Variants in USP34 observed in about 807,000 individuals in gnomAD.
USP34 encodes ubiquitin carboxyl-terminal hydrolase 34.
USP34 carries 70 observed loss-of-function variants against 460.3 expected under a neutral mutation model. The ratio of observed to expected loss-of-function variants is 0.15; its 90% CI spans 0.13 to 0.19. USP34 has a LOEUF of 0.19. Ranked by LOEUF, USP34 falls within the 10% of genes least tolerant of loss-of-function variation. The pLI is 1.00. For synonymous variants in USP34, 1,647 were observed against 1,405.3 expected (o/e 1.17, Z -3.85); for missense variants, 3,985 against 4,236.2 (o/e 0.94, Z 1.65).
At chr2:61,204,421 A>G in intron 73 of USP34, 41 bp from the exon 74 acceptor site, 2 of 1,613,546 alleles carry the variant, frequency 1.2e-6, no homozygotes, top group Non-Finnish European at 1.7e-6. Flanking sequence ...AATGGAAAAA[A>G]TAAATCTCCA....
chr2:61,202,337 TC>T (rs1324110223), intron 75 of USP34, among the ~76,000 whole-genome samples: 1 of 152,134 alleles, frequency 6.6e-6, no homozygotes, highest in Non-Finnish European at 1.5e-5. Flanking sequence ...GTATTTCACG[TC>T]CCACTCTGAA....
intron 53 of USP34, among the ~76,000 whole-genome samples, chr2:61,240,047 CA>C (rs200971156): frequency 2.1e-5 from 3 of 144,316 alleles, no homozygotes; most frequent in African/African-American, 2.5e-5. Flanking sequence ...CCCAATATTA[CA>C]AAAAAAAAAT....
chr2:61,456,467 C>T (rs1000652454), intron 1 of USP34, among the ~76,000 whole-genome samples: 10 of 152,150 alleles, frequency 6.6e-5, no homozygotes, highest in South Asian at 2.1e-4. Context: ...TCTTTTTCTC[C>T]GCATAGTTTA....
At chr2:61,376,081 A>G (rs1027862925) in intron 8 of USP34, among the ~76,000 whole-genome samples, 1 of 151,840 alleles carries the variant, frequency 6.6e-6, no homozygotes, top group Admixed American at 6.6e-5. Context: ...CAAATGGGCA[A>G]AAGACATCTT....
At chr2:61,205,007 A>AC (rs1687077015) in intron 72 of USP34, among the ~76,000 whole-genome samples, 3 of 151,990 alleles carry the variant, frequency 2.0e-5, no homozygotes, top group African/African-American at 7.2e-5. Flanking sequence ...GGCATGCACC[A>AC]CCACACCCAG....
At chr2:61,286,612 G>A (rs1416049558) in intron 34 of USP34, among the ~76,000 whole-genome samples, 1 of 152,026 alleles carries the variant, frequency 6.6e-6, no homozygotes, top group African/African-American at 2.4e-5. Context: ...CCGAGATGGC[G>A]CCAGTGCACT....
At chr2:61,202,595 T>C (rs560917797) in intron 75 of USP34, among the ~76,000 whole-genome samples, 50 of 152,298 alleles carry the variant, frequency 3.3e-4, no homozygotes, top group African/African-American at 1.1e-3. Flanking sequence ...AATTCACTGA[T>C]GGTTTTGTTT....
chr2:61,187,733 A>C lies in USP34; in HGVS notation c.*369T>G, dbSNP rs1686475684. ...CGATCGGAGGCAATCTGCCTCTATAAGGTACAAAACTGGCACAGAGGACAC... is the reference window on the plus strand; with the variant it reads ...CGATCGGAGGCAATCTGCCTCTATACGGTACAAAACTGGCACAGAGGACAC... On this transcript the variant is annotated 3_prime_UTR_variant, in exon 80 of 80. Transcript: ENST00000398571. 2.1e-6 allele frequency: 1 copy of C among 475,336 alleles called. No homozygotes were observed. Among genetic ancestry groups the C allele is most frequent in the African/African-American group, 2.1e-5 (1 of 47,038 alleles). The allele number at this position is 475,336 out of a possible 1,614,324, so 29.4% of individuals were successfully genotyped here. A position where few individuals can be genotyped will look rare whatever the true frequency, so the allele number is the denominator to read the frequency against.
intron 8 of USP34, among the ~76,000 whole-genome samples, chr2:61,375,198 A>G (rs1692755418): frequency 6.6e-6 from 1 of 152,194 alleles, no homozygotes; most frequent in Non-Finnish European, 1.5e-5. Flanking sequence ...CCATGATGAA[A>G]TGCTACTTTA....
At position 61,334,910 on chromosome 2, in the gene USP34, AAG is replaced by A. The variant is rs894727248; in HGVS notation, c.2745-941_2745-940del. On this transcript the variant is annotated intron_variant, in intron 18 of 79. Coordinates refer to ENST00000398571, the MANE Select transcript of USP34 (RefSeq NM_014709.4). ...ACATTATACATGGCTAAAGATTTTTAAGAGTTTTTCCTAAGATTATCTAAAAA... is the reference window on the plus strand; with the variant it reads ...ACATTATACATGGCTAAAGATTTTTAAGTTTTTCCTAAGATTATCTAAAAA... 3.3e-5 allele frequency among the ~76,000 whole-genome samples: 5 copies of A among 152,324 alleles called. No homozygotes were observed. The South Asian group carries it at 8.3e-4, about 25-fold the overall frequency.
intron 43 of USP34, among the ~76,000 whole-genome samples, chr2:61,260,097 A>G (rs191740963): frequency 6.6e-6 from 1 of 152,238 alleles, no homozygotes; most frequent in African/African-American, 2.4e-5. Context: ...AGGTGCAATC[A>G]AAGTTGTCTT....
At position 61,415,445 on chromosome 2, in the gene USP34, G is replaced by C. The variant is rs551821841; in HGVS notation, c.131+5301C>G. Among the ~76,000 whole-genome samples, 12 of 152,222 alleles carry C rather than the reference G, an allele frequency of 7.9e-5. No individual in the cohort carries two copies. The East Asian group carries it at 2.3e-3, about 29-fold the overall frequency. ...TTGCTGAGCAACATTTTTATTTTTA[G>C]AACTACCCTAAGAATTGATGTAACT... On this transcript the variant is annotated intron_variant, in intron 2 of 79. Transcript: ENST00000398571.
Position 61,220,388 on chromosome 2 carries a change from G to A in USP34, c.7969C>T (p.His2657Tyr). The A allele has an allele frequency of 6.2e-7, 1 of 1,613,982 alleles. No individual in the cohort carries two copies. The highest frequency in any genetic ancestry group is 8.5e-7 in the Non-Finnish European group (1 of 1,179,920). Residue 2657 changes from histidine (H) to tyrosine (Y), a missense_variant, in exon 67 of 80, where the codon CAC (histidine) becomes TAC (tyrosine). By Grantham distance (83) the His-to-Tyr change is moderately conservative. Transcript: ENST00000398571. The part of the protein sequence containing the change: ...AVQTPRNKLA[H>Y]SWVLQNMENW... Reference sequence around the variant, plus strand: ...TCCATATTCTGTAAGACCCAGCTGTGTGCCAGTTTATTTCGGGGTGTCTGC... The same window carrying A: ...TCCATATTCTGTAAGACCCAGCTGTATGCCAGTTTATTTCGGGGTGTCTGC...
intron 1 of USP34, among the ~76,000 whole-genome samples, chr2:61,422,788 TAGG>T (rs929150334): frequency 2.0e-5 from 3 of 152,048 alleles, no homozygotes; most frequent in African/African-American, 7.2e-5. Context: ...CACTTGAGCT[TAGG>T]AGGTCAAGAC....
chr2:61,250,670 G>C (rs1326392095), intron 48 of USP34: 1 of 153,346 alleles, frequency 6.5e-6, no homozygotes, highest in Non-Finnish European at 1.5e-5. Flanking sequence ...GATTGTATTT[G>C]AGCTTGCACA....
At chr2:61,210,729 T>A (rs1323397707) in intron 69 of USP34, among the ~76,000 whole-genome samples, 1 of 152,132 alleles carries the variant, frequency 6.6e-6, no homozygotes, top group Non-Finnish European at 1.5e-5. Flanking sequence ...CTTTTTTTTC[T>A]TTTTTTGAGA....
At chr2:61,313,183 T>C (rs543470045) in intron 25 of USP34, among the ~76,000 whole-genome samples, 1 of 152,218 alleles carries the variant, frequency 6.6e-6, no homozygotes, top group East Asian at 1.9e-4. Flanking sequence ...AACATCAACA[T>C]TAACTTTTAG....
intron 74 of USP34, 101 bp from the exon 75 acceptor site, chr2:61,203,364 T>A (rs1687028305): frequency 1.8e-6 from 2 of 1,141,516 alleles, no homozygotes; most frequent in Admixed American, 3.7e-5. Flanking sequence ...GATTCAATAT[T>A]TATATTCTAT....
intron 1 of USP34, among the ~76,000 whole-genome samples, chr2:61,422,139 A>G (rs1357005840): frequency 6.6e-6 from 1 of 152,214 alleles, no homozygotes; most frequent in Non-Finnish European, 1.5e-5. Context: ...AAGCTTAGCA[A>G]CTAGGACAGA....
Sources: allele counts gnomAD v4.1 joint callset (sites outside exome capture counted in the v4.1 genomes callset), GRCh38; gene constraint gnomAD v4.1.1; transcripts MANE v1.5; gene names NCBI Gene and HGNC (gene_info 2026-07-23, HGNC 2026-07-21).